Variants in CSMD1 observed in about 807,000 individuals in gnomAD.
The protein encoded by CSMD1 is CUB and sushi domain-containing protein 1.
A neutral mutation model predicts 417.5 loss-of-function variants in CSMD1; 213 were observed. The observed-to-expected ratio is 0.51, with a 90% CI of 0.46 to 0.57. The LOEUF is 0.57. Among genes scored for constraint, CSMD1 ranks in the 20% least tolerant of loss-of-function variants. The pLI, the probability that CSMD1 is intolerant of heterozygous loss-of-function variation, is 0.00. For synonymous variants in CSMD1, 2,862 were observed against 1,736.8 expected, an observed-to-expected ratio of 1.65 and a Z score of -16.11; for missense variants, 6,923 against 4,529.7, an observed-to-expected ratio of 1.53 and a Z score of -15.17.
chr8:3,882,012 C>G (rs189594558), intron 5 of CSMD1, among the ~76,000 whole-genome samples: 68 of 152,244 alleles, frequency 4.5e-4, no homozygotes, highest in African/African-American at 1.3e-3. Flanking sequence ...TCTACGATGT[C>G]TGATGATGCA....
At chr8:4,379,763 G>A (rs192800832) in intron 3 of CSMD1, among the ~76,000 whole-genome samples, 7 of 152,160 alleles carry the variant, frequency 4.6e-5, no homozygotes, top group South Asian at 4.2e-4. Context: ...AAAATCTATG[G>A]CCCACACTTT....
At chr8:3,884,311 A>G (rs927328710) in intron 5 of CSMD1, among the ~76,000 whole-genome samples, 2 of 152,212 alleles carry the variant, frequency 1.3e-5, no homozygotes, top group African/African-American at 4.8e-5. Flanking sequence ...ATAAAACATT[A>G]TATGTGCAAT....
chr8:4,434,488 AAAC>A (rs1306431848), intron 2 of CSMD1, among the ~76,000 whole-genome samples: 2 of 152,208 alleles, frequency 1.3e-5, no homozygotes, highest in African/African-American at 4.8e-5. Flanking sequence ...AGAAGGAAAG[AAAC>A]AACAAAAAGA....
At chr8:4,626,388 T>C (rs778897779) in intron 2 of CSMD1, among the ~76,000 whole-genome samples, 4 of 151,898 alleles carry the variant, frequency 2.6e-5, no homozygotes, top group Non-Finnish European at 5.9e-5. Flanking sequence ...CAGATATTGG[T>C]TATAAAGTAT....
chr8:4,405,721 C>T (rs150859238), intron 3 of CSMD1, among the ~76,000 whole-genome samples: 211 of 152,242 alleles, frequency 1.4e-3, no homozygotes, highest in Middle Eastern at 3.4e-3. Context: ...TCTTATGAAA[C>T]CATCTTTGAA....
intron 5 of CSMD1, among the ~76,000 whole-genome samples, chr8:3,890,228 A>C (rs1806867195): frequency 6.6e-6 from 1 of 152,330 alleles, no homozygotes; most frequent in African/African-American, 2.4e-5. Flanking sequence ...ATAAAAGATA[A>C]GAAATATTCT....
At chr8:4,765,014 TGTTTAATTAAGCAA>T (rs1297873820) in intron 1 of CSMD1, among the ~76,000 whole-genome samples, 2 of 152,166 alleles carry the variant, frequency 1.3e-5, no homozygotes, top group Non-Finnish European at 1.5e-5. Context: ...GGCTATTTCT[TGTTTAATTAAGCAA>T]CTGCATGTTT....
rs143348649 is a variant in CSMD1 at position 3,953,949 on chromosome 8, G to A, written c.818+43954C>T. Among the ~76,000 whole-genome samples, 221 of 152,322 alleles carry A rather than the reference G, an allele frequency of 1.5e-3. 1 individual carries two copies. Among genetic ancestry groups the A allele is most frequent in the Middle Eastern group, 6.8e-3 (2 of 294 alleles). On this transcript the variant is annotated intron_variant, in intron 5 of 69. Coordinates refer to ENST00000635120, the MANE Select transcript of CSMD1 (RefSeq NM_033225.6). ...CCTGGCAAGGGTGGCTCTGGGTCTC[G>A]CCTTAGGCTGGGAGCGCACAGGAGC... is the stretch of plus-strand genomic sequence containing the variant.
At chr8:3,601,318 C>T (rs574552939) in intron 8 of CSMD1, among the ~76,000 whole-genome samples, 2 of 152,214 alleles carry the variant, frequency 1.3e-5, no homozygotes, top group Admixed American at 6.5e-5. Context: ...CTTCCAGCTT[C>T]TGCAGACATA....
chr8:3,368,523 G>A (rs1434173748), intron 19 of CSMD1, among the ~76,000 whole-genome samples: 1 of 152,076 alleles, frequency 6.6e-6, no homozygotes. Context: ...ATTTTTAGTA[G>A]AGACAAGGTT....
chr8:3,975,295 T>C (rs191668431), intron 5 of CSMD1, among the ~76,000 whole-genome samples: 15 of 152,180 alleles, frequency 9.9e-5, no homozygotes, highest in African/African-American at 3.4e-4. Context: ...ATTTTATACC[T>C]TTTTTACACA....
rs192742193 is a variant in CSMD1, at chr8:4,312,486, T to C, written c.415+107467A>G. ...GCGCGTATATATATATATACACATA[T>C]AGAACTCTATGTTTCCAGTTTTATT... is the stretch of plus-strand genomic sequence containing the variant. On this transcript the variant is annotated intron_variant, in intron 3 of 69. Transcript: ENST00000635120. Among the ~76,000 whole-genome samples, 7 of 150,138 alleles carry C rather than the reference T, an allele frequency of 4.7e-5. 1 individual carries two copies. Among genetic ancestry groups the C allele is most frequent in the East Asian group, 1.9e-4 (1 of 5,158 alleles).
intron 25 of CSMD1, among the ~76,000 whole-genome samples, chr8:3,300,376 G>T (rs1392422470): frequency 2.0e-5 from 3 of 151,432 alleles, no homozygotes; most frequent in Non-Finnish European, 4.4e-5. Context: ...TTTTTCTGCA[G>T]CACTTTATTA....
chr8:3,825,798 T>A (rs1802024590), intron 5 of CSMD1, among the ~76,000 whole-genome samples: 1 of 152,142 alleles, frequency 6.6e-6, no homozygotes, highest in African/African-American at 2.4e-5. Flanking sequence ...TTAGTCCAGA[T>A]GATATGGAAT....
chr8:4,430,106 G>T (rs780782868), intron 2 of CSMD1, among the ~76,000 whole-genome samples: 41 of 152,118 alleles, frequency 2.7e-4, no homozygotes, highest in Non-Finnish European at 3.1e-4. Context: ...CAGAAGTGAG[G>T]TTTATAAATA....
intron 5 of CSMD1, among the ~76,000 whole-genome samples, chr8:3,925,764 C>T (rs1204713507): frequency 2.6e-5 from 4 of 151,954 alleles, no homozygotes; most frequent in Middle Eastern, 3.2e-3. Flanking sequence ...ACTGTAAGTC[C>T]CATTGAACCT....
chr8:4,301,181 C>T (rs577398235), intron 3 of CSMD1, among the ~76,000 whole-genome samples: 14 of 152,268 alleles, frequency 9.2e-5, no homozygotes, highest in East Asian at 7.7e-4. Context: ...TCTGGGGCAG[C>T]TCTCCTGGGT....
At chr8:4,042,093 A>G (rs1334561788) in intron 3 of CSMD1, among the ~76,000 whole-genome samples, 1 of 152,194 alleles carries the variant, frequency 6.6e-6, no homozygotes, top group African/African-American at 2.4e-5. Context: ...GGGAACACAA[A>G]GAGGGACAGA....
chr8:3,875,698 G>C (rs904741523), intron 5 of CSMD1, among the ~76,000 whole-genome samples: 1 of 152,174 alleles, frequency 6.6e-6, no homozygotes, highest in Non-Finnish European at 1.5e-5. Flanking sequence ...GGTCTAGGGA[G>C]GGGGCAGAAT....
Sources: allele counts gnomAD v4.1 joint callset (sites outside exome capture counted in the v4.1 genomes callset), GRCh38; gene constraint gnomAD v4.1.1; transcripts MANE v1.5; gene names NCBI Gene and HGNC (gene_info 2026-07-23, HGNC 2026-07-21).